The following CCT5 variants were observed in gnomAD, a reference collection of about 807,000 sequenced individuals.
The protein encoded by CCT5 is chaperonin containing TCP1 subunit 5.
CCT5 carries 6 observed loss-of-function variants against 55.0 expected under a neutral mutation model. That is an observed-to-expected ratio of 0.11 (90% CI 0.06 to 0.22). The LOEUF is 0.22. Among genes scored for constraint, CCT5 ranks in the 10% least tolerant of loss-of-function variants. The pLI is 1.00. For synonymous variants in CCT5, 231 were observed against 243.7 expected (o/e 0.95, Z 0.49); for missense variants, 560 against 694.6 (o/e 0.81, Z 2.18).
chr5:10,250,712 C>G, intron 1 of CCT5: 1 of 1,304,124 alleles, frequency 7.7e-7, no homozygotes, highest in African/African-American at 1.5e-5. Flanking sequence ...TCCGGTCGCC[C>G]GCGGGAGCAA....
intron 4 of CCT5, among the ~76,000 whole-genome samples, chr5:10,256,366 C>T (rs1170260102): frequency 6.6e-6 from 1 of 151,994 alleles, no homozygotes; most frequent in African/African-American, 2.4e-5. Flanking sequence ...GGTATAAATC[C>T]CCTTGACAAT....
Position 10,263,141 on chromosome 5 carries a change from C to A in CCT5, c.1325C>A (p.Thr442Asn). Residue 442 changes from threonine to asparagine, a missense_variant, in exon 10 of 11, where the codon ACC becomes AAC. Coordinates refer to ENST00000280326, the MANE Select transcript of CCT5 (RefSeq NM_012073.5). ...ACTTCTGTACCTTTCCAGTGCCCCA[C>A]CTTAGAACAGTATGCCATGAGAGCG... ...AVSQEADKCP[T>N]LEQYAMRAFA... is the part of the protein sequence containing the mutation. 1 of 1,614,192 alleles carries A rather than the reference C, an allele frequency of 6.2e-7. No individual in the cohort carries two copies. Among genetic ancestry groups the A allele is most frequent in the Non-Finnish European group, 8.5e-7 (1 of 1,180,026 alleles).
chr5:10,252,030 T>C (rs1007047341), intron 1 of CCT5, among the ~76,000 whole-genome samples: 1 of 152,212 alleles, frequency 6.6e-6, no homozygotes, highest in African/African-American at 2.4e-5. Context: ...AGCATTACCA[T>C]GGTCAGGGCC....
intron 2 of CCT5, 66 bp downstream of exon 2, chr5:10,254,271 T>G: frequency 8.7e-7 from 1 of 1,149,132 alleles, no homozygotes; most frequent in Non-Finnish European, 1.3e-6. Flanking sequence ...AATATAAACC[T>G]CTCTACAGAA....
chr5:10,254,057 A>G (rs1237445923), intron 1 of CCT5, 88 bp from the exon 2 acceptor site: 4 of 868,532 alleles, frequency 4.6e-6, no homozygotes, highest in Admixed American at 3.5e-5. Context: ...AAACTAAGTC[A>G]TAAGTGATTT....
intron 10 of CCT5, among the ~76,000 whole-genome samples, chr5:10,263,902 A>G (rs560055737): frequency 6.6e-6 from 1 of 152,300 alleles, no homozygotes; most frequent in African/African-American, 2.4e-5. Flanking sequence ...TCAAATTCCA[A>G]GGGTTTCAAT....
In CCT5 at chr5:10,258,543, TTACC is replaced by T. The variant is rs757008830; in HGVS notation, c.873+9_873+12del. On this transcript the variant is annotated intron_variant, in intron 6 of 10. Coordinates refer to ENST00000280326, the MANE Select transcript of CCT5 (RefSeq NM_012073.5). ...GAAGAGATGATTCAACAAGTAAGTC[TTACC>T]AGAGTCCTCAGTGGAATTTAAACTC... 1.2e-6 allele frequency: 2 copies of T among 1,611,506 alleles called. No individual in the cohort carries two copies.
chr5:10,254,385 G>A, intron 2 of CCT5, 180 bp downstream of exon 2: 1 of 597,782 alleles, frequency 1.7e-6, no homozygotes. Flanking sequence ...GCAATATTAG[G>A]TCGGACCTTT....
intron 3 of CCT5, 144 bp from the exon 4 acceptor site, chr5:10,255,811 A>G: frequency 1.4e-6 from 1 of 733,106 alleles, no homozygotes; most frequent in Non-Finnish European, 2.3e-6. Context: ...TCTTTTAAAA[A>G]TAGAGGGCTT....
chr5:10,260,658 CCTT>C (rs1313404510), intron 6 of CCT5, 131 bp from the exon 7 acceptor site: 3 of 901,744 alleles, frequency 3.3e-6, no homozygotes, highest in Non-Finnish European at 5.5e-6. Flanking sequence ...CTATTTCCTT[CCTT>C]CTCTTTCCTT....
At chr5:10,257,065 A>G (rs979393608) in intron 4 of CCT5, among the ~76,000 whole-genome samples, 2 of 152,212 alleles carry the variant, frequency 1.3e-5, no homozygotes, top group African/African-American at 2.4e-5. Context: ...TTATTACATT[A>G]TATTAAATCA....
chr5:10,250,627 A>G (rs1745338982), intron 1 of CCT5, 182 bp downstream of exon 1: 1 of 1,431,136 alleles, frequency 7.0e-7, no homozygotes, highest in Non-Finnish European at 9.1e-7. Flanking sequence ...GCCGGCGCCT[A>G]ATCCTGGGCT....
At chr5:10,262,351 T>C in intron 8 of CCT5, 130 bp from the exon 9 acceptor site, 1 of 988,294 alleles carries the variant, frequency 1.0e-6, no homozygotes, top group South Asian at 1.4e-5. Flanking sequence ...GAAAGATAAA[T>C]ATTATCCGAT....
Position 10,265,669 on chromosome 5 carries a change from T to C in CCT5, c.*886T>C, listed in dbSNP as rs1746194097. On this transcript the variant is annotated 3_prime_UTR_variant, in exon 11 of 11. Transcript: ENST00000280326. ...GATACACTTTCTTACTGCTCACATC[T>C]TACAGGTGAGTACTCATAATTGGCC... 1 of 152,078 alleles carries C rather than the reference T, an allele frequency of 6.6e-6. No individual in the cohort carries two copies. The highest frequency in any genetic ancestry group is 1.5e-5 in the Non-Finnish European group (1 of 68,008). The allele number at this position is 152,078 out of a possible 1,614,324, so 9.4% of individuals were successfully genotyped here. A position where few individuals can be genotyped will look rare whatever the true frequency, so the allele number is the denominator to read the frequency against.
intron 7 of CCT5, chr5:10,261,281 G>T (rs190951866): frequency 1.2e-5 from 6 of 511,156 alleles, no homozygotes; most frequent in African/African-American, 7.7e-5. Context: ...CCAGAGTGAG[G>T]GAGGGCTGCA....
In CCT5 at chr5:10,257,210, A is replaced by G. The variant is rs533029422; in HGVS notation, c.531-901A>G. Among the ~76,000 whole-genome samples, 72 of 152,334 alleles carry G rather than the reference A, an allele frequency of 4.7e-4. 1 individual carries two copies. The highest frequency in any genetic ancestry group is 1.0e-3 in the African/African-American group (42 of 41,578). On this transcript the variant is annotated intron_variant, in intron 4 of 10. Coordinates refer to ENST00000280326, the MANE Select transcript of CCT5 (RefSeq NM_012073.5). Reference sequence around the variant, plus strand: ...TTGCCTTTTCCCCTGAGCAAAGCCTATGTTAGAGCAGAAGCCTTCAGCAAT... The same window carrying G: ...TTGCCTTTTCCCCTGAGCAAAGCCTGTGTTAGAGCAGAAGCCTTCAGCAAT...
chr5:10,255,748 C>G (rs565500254), intron 3 of CCT5, among the ~76,000 whole-genome samples: 2 of 152,312 alleles, frequency 1.3e-5, no homozygotes, highest in African/African-American at 4.8e-5. Flanking sequence ...GAATGTTCAT[C>G]TGTAAGGGGA....
chr5:10,252,006 AGT>A (rs1745447015), intron 1 of CCT5, among the ~76,000 whole-genome samples: 1 of 152,230 alleles, frequency 6.6e-6, no homozygotes, highest in Non-Finnish European at 1.5e-5. Flanking sequence ...TCTGAAGAGC[AGT>A]TGCTACTAAA....
intron 10 of CCT5, among the ~76,000 whole-genome samples, chr5:10,264,129 AG>A (rs1483334385): frequency 6.6e-6 from 1 of 151,846 alleles, no homozygotes; most frequent in Admixed American, 6.6e-5. Flanking sequence ...AAAATTAGCC[AG>A]GCCTGGTCAG....
Sources: gnomAD v4.1 joint callset for allele counts (sites outside exome capture counted in the v4.1 genomes callset) on GRCh38, gnomAD v4.1.1 for gene constraint, MANE v1.5 for transcripts, NCBI Gene and HGNC (gene_info 2026-07-23, HGNC 2026-07-21) for gene names.